PCM1: variants seen among roughly 807,000 people sequenced by gnomAD.
The protein encoded by PCM1 is pericentriolar material 1 protein.
A neutral mutation model predicts 241.9 loss-of-function variants in PCM1; 157 were observed. The ratio of observed to expected loss-of-function variants is 0.65; its 90% CI spans 0.57 to 0.74. The LOEUF (loss-of-function observed/expected upper bound fraction) is 0.74. Among genes scored for constraint, PCM1 ranks in the 30% least tolerant of loss-of-function variants. PCM1 has a pLI of 0.00. For synonymous variants in PCM1, 1,085 were observed against 784.9 expected, an observed-to-expected ratio of 1.38 and a Z score of -6.39; for missense variants, 3,478 against 2,360.1, an observed-to-expected ratio of 1.47 and a Z score of -9.81.
chr8:17,939,757 G>T lies in PCM1; in HGVS notation c.679G>T (p.Val227Leu), dbSNP rs928857140. 4 of 1,556,898 alleles carry T rather than the reference G, an allele frequency of 2.6e-6. No homozygotes were observed. Among genetic ancestry groups the T allele is most frequent in the Admixed American group, 1.9e-5 (1 of 52,646 alleles). ...AGCTAGTTCCATGCGGGAAGATCTT[G>T]TAGAGAAAAATGAGAGATCTGCTAA... ...TKASSMREDL[V>L]EKNERSANVE... Residue 227 changes from valine to leucine, a missense_variant, in exon 6 of 39, where the codon GTA becomes TTA. Physicochemically the swap from Val to Leu is conservative, Grantham distance 32 (BLOSUM62 1). Transcript: ENST00000325083.
chr8:17,980,842 G>T, intron 24 of PCM1, 87 bp downstream of exon 24: 1 of 915,046 alleles, frequency 1.1e-6, no homozygotes. Flanking sequence ...TAAAATTGGT[G>T]TTTCACACGT....
intron 26 of PCM1, among the ~76,000 whole-genome samples, chr8:17,989,041 G>A (rs1035836161): frequency 3.3e-5 from 5 of 151,964 alleles, no homozygotes; most frequent in African/African-American, 1.2e-4. Context: ...GCCTCAAACT[G>A]AAGCATCAAG....
At position 17,935,569 on chromosome 8, in the gene PCM1, G is replaced by C. The variant is rs376501831; in HGVS notation, c.-22-20G>C. ...TTGTTTTTATGTGTTATAAAGCTCA[G>C]TTCTTAACTTGTTTCGCAGAGAGTT... On this transcript the variant is annotated intron_variant, in intron 2 of 38. Transcript: ENST00000325083. The C allele has an allele frequency of 2.4e-5, 21 of 859,254 alleles. No homozygotes were observed. The highest frequency in any genetic ancestry group is 1.4e-5 in the Non-Finnish European group (7 of 502,040). 53.2% of individuals were successfully genotyped at this position (859,254 alleles called of 1,614,324 possible).
At chr8:17,935,071 T>A (rs1386842247) in intron 2 of PCM1, among the ~76,000 whole-genome samples, 1 of 152,244 alleles carries the variant, frequency 6.6e-6, no homozygotes, top group Non-Finnish European at 1.5e-5. Context: ...TTTCCCTACC[T>A]TCTTATCATC....
intron 2 of PCM1, chr8:17,927,975 A>G (rs2057661679): frequency 6.6e-6 from 1 of 150,904 alleles, no homozygotes; most frequent in Non-Finnish European, 1.5e-5. Context: ...TGTTAAAAAT[A>G]GCTAAATGAA....
chr8:17,937,052 T>C (rs559313240), intron 3 of PCM1, 82 bp from the exon 4 acceptor site: 3 of 1,102,040 alleles, frequency 2.7e-6, no homozygotes, highest in Non-Finnish European at 3.8e-6. Flanking sequence ...ATTTTAAAAC[T>C]GACCAAAACT....
intron 23 of PCM1, among the ~76,000 whole-genome samples, chr8:17,974,670 T>C (rs2078037226): frequency 6.6e-6 from 1 of 152,244 alleles, no homozygotes; most frequent in Admixed American, 6.5e-5. Flanking sequence ...GAAACCCCTT[T>C]ATTCTCGGGA....
At chr8:17,928,616 CTTTT>C (rs71215287) in intron 2 of PCM1, among the ~76,000 whole-genome samples, 8,738 of 82,636 alleles carry the variant, frequency 0.11, 592 homozygotes, top group African/African-American at 0.22. Context: ...GTATCTCCCT[CTTTT>C]TTTTTTTTTT....
At chr8:17,998,201 G>C (rs1271500649) in intron 29 of PCM1, among the ~76,000 whole-genome samples, 1 of 151,972 alleles carries the variant, frequency 6.6e-6, no homozygotes, top group Non-Finnish European at 1.5e-5. Flanking sequence ...CATGATTTTT[G>C]GTCCCTTTGT....
At chr8:18,010,716 C>A in intron 32 of PCM1, 48 bp downstream of exon 32, 1 of 1,367,598 alleles carries the variant, frequency 7.3e-7, no homozygotes. Context: ...GGCGCGGTGG[C>A]TCACCCCCGT....
rs564307162 is a variant in PCM1 at position 17,945,899 on chromosome 8, A to G, written c.784-1287A>G. Among the ~76,000 whole-genome samples the G allele has an allele frequency of 1.5e-4, 23 of 152,334 alleles. No homozygotes were observed. The East Asian group carries it at 3.3e-3, about 22-fold the overall frequency. On this transcript the variant is annotated intron_variant, in intron 6 of 38. Coordinates refer to ENST00000325083, the MANE Select transcript of PCM1 (RefSeq NM_006197.4). ...TAGCAGTACAAATTTAAAATTGACT[A>G]AGTGAAACAAAAGTGAAATATTTTA... is the stretch of plus-strand genomic sequence containing the variant.
At chr8:17,930,486 T>G (rs925890591) in intron 2 of PCM1, among the ~76,000 whole-genome samples, 3 of 152,160 alleles carry the variant, frequency 2.0e-5, no homozygotes, top group Non-Finnish European at 4.4e-5. Flanking sequence ...AGAGATTCTG[T>G]ATTTGTAATG....
At chr8:17,934,055 T>C (rs1265921604) in intron 2 of PCM1, among the ~76,000 whole-genome samples, 1 of 152,106 alleles carries the variant, frequency 6.6e-6, no homozygotes, top group Non-Finnish European at 1.5e-5. Context: ...TCATTTTTAT[T>C]TTGAGATAAA....
chr8:17,939,895 T>C (rs775066970), intron 6 of PCM1, 34 bp downstream of exon 6: 23 of 1,313,798 alleles, frequency 1.8e-5, no homozygotes, highest in South Asian at 1.2e-4. Context: ...ACATATTATT[T>C]TTGTAGTATC....
intron 22 of PCM1, among the ~76,000 whole-genome samples, chr8:17,971,467 G>A (rs1287680879): frequency 6.6e-6 from 1 of 152,168 alleles, no homozygotes; most frequent in African/African-American, 2.4e-5. Flanking sequence ...CCCCAACCTA[G>A]ACGACCGATG....
chr8:17,960,195 A>G (rs1305307129), intron 14 of PCM1, 30 bp downstream of exon 14: 8 of 1,548,132 alleles, frequency 5.2e-6, no homozygotes, highest in Non-Finnish European at 6.1e-6. Flanking sequence ...TTCATTTAAT[A>G]TAATAAAAAT....
chr8:17,964,950 G>A (rs998611033), intron 18 of PCM1, among the ~76,000 whole-genome samples, 182 bp downstream of exon 18: 3 of 152,084 alleles, frequency 2.0e-5, no homozygotes, highest in African/African-American at 4.8e-5. Context: ...CAGTAAGACT[G>A]CCCTCACCTC....
intron 26 of PCM1, among the ~76,000 whole-genome samples, chr8:17,987,187 C>T (rs971943014): frequency 6.6e-6 from 1 of 151,794 alleles, no homozygotes; most frequent in Non-Finnish European, 1.5e-5. Flanking sequence ...TCAGTGTTTG[C>T]TCCTTTGGAT....
At chr8:17,971,470 G>A (rs1038867368) in intron 22 of PCM1, among the ~76,000 whole-genome samples, 8 of 152,230 alleles carry the variant, frequency 5.3e-5, no homozygotes, top group Non-Finnish European at 1.2e-4. Flanking sequence ...CAACCTAGAC[G>A]ACCGATGAGT....
Sources: gnomAD v4.1 joint callset for allele counts (sites outside exome capture counted in the v4.1 genomes callset) on GRCh38, gnomAD v4.1.1 for gene constraint, MANE v1.5 for transcripts, NCBI Gene and HGNC (gene_info 2026-07-23, HGNC 2026-07-21) for gene names.